RBFOX1: variants seen among roughly 807,000 people sequenced by gnomAD.
The protein encoded by RBFOX1 is RNA binding protein fox-1 homolog 1.
In RBFOX1, 8 loss-of-function variants were observed where a neutral mutation model predicts 57.7. That is an observed-to-expected ratio of 0.14 (90% CI 0.08 to 0.25). The LOEUF is 0.25. Ranked by LOEUF, RBFOX1 falls within the 10% of genes least tolerant of loss-of-function variation. The probability of loss-of-function intolerance (pLI) is 1.00; values close to 1 mark genes in which losing one functional copy is unlikely to be tolerated. For synonymous variants in RBFOX1, 326 were observed against 222.4 expected, an observed-to-expected ratio of 1.47 and a Z score of -4.15; for missense variants, 611 against 548.5, an observed-to-expected ratio of 1.11 and a Z score of -1.14.
intron 2 of RBFOX1, among the ~76,000 whole-genome samples, chr16:6,598,082 G>A (rs1224669714): frequency 6.6e-6 from 1 of 152,196 alleles, no homozygotes; most frequent in Non-Finnish European, 1.5e-5. Context: ...TCTGGTACTT[G>A]TGGCAGAAGG....
intron 2 of RBFOX1, among the ~76,000 whole-genome samples, chr16:6,625,518 T>A (rs879046261): frequency 2.6e-5 from 4 of 152,150 alleles, no homozygotes; most frequent in Admixed American, 2.6e-4. Context: ...ATTCACTCAG[T>A]TCGTTAAAAC....
At chr16:6,838,708 G>C (rs185362148) in intron 3 of RBFOX1, among the ~76,000 whole-genome samples, 42 of 152,194 alleles carry the variant, frequency 2.8e-4, no homozygotes, top group South Asian at 4.2e-4. Context: ...CCAGTCTGGG[G>C]GCTTGCCCGT....
In RBFOX1 at chr16:5,914,452, G is replaced by C. The variant is rs147929903; in HGVS notation, c.351+47117G>C. On this transcript the variant is annotated intron_variant, in intron 4 of 19. Transcript: ENST00000641259. ...AGAATCCCCTTCCAAGTTCATTCATGTAACCTTTGGCAGATCCTGGATCTG... is the reference window on the plus strand; with the variant it reads ...AGAATCCCCTTCCAAGTTCATTCATCTAACCTTTGGCAGATCCTGGATCTG... Among the ~76,000 whole-genome samples, 296 of 152,226 alleles carry C rather than the reference G, an allele frequency of 1.9e-3. 2 individuals are homozygous for C. The highest frequency in any genetic ancestry group is 6.9e-3 in the African/African-American group (288 of 41,536).
intron 2 of RBFOX1, among the ~76,000 whole-genome samples, chr16:5,495,661 A>T (rs1201872956): frequency 6.6e-6 from 1 of 152,258 alleles, no homozygotes; most frequent in Non-Finnish European, 1.5e-5. Context: ...CCTAGGTCTC[A>T]GGCAGGACCT....
At chr16:5,318,511 C>A (rs1235455063) in intron 1 of RBFOX1, among the ~76,000 whole-genome samples, 1 of 152,186 alleles carries the variant, frequency 6.6e-6, no homozygotes, top group Non-Finnish European at 1.5e-5. Context: ...TGCCTGTCCC[C>A]TCCCTGCACT....
At chr16:6,999,245 A>C (rs1368015647) in intron 3 of RBFOX1, among the ~76,000 whole-genome samples, 5 of 72,606 alleles carry the variant, frequency 6.9e-5, no homozygotes, top group African/African-American at 1.4e-4. Flanking sequence ...TTTTTTAGAG[A>C]TCAGGTCTCA....
intron 2 of RBFOX1, among the ~76,000 whole-genome samples, chr16:6,517,532 C>T (rs1045878407): frequency 2.0e-5 from 3 of 152,034 alleles, no homozygotes; most frequent in Admixed American, 6.6e-5. Context: ...CCTACACTGC[C>T]GAAGTGGGAG....
At chr16:6,859,524 C>A (rs564657763) in intron 3 of RBFOX1, among the ~76,000 whole-genome samples, 1 of 151,944 alleles carries the variant, frequency 6.6e-6, no homozygotes, top group African/African-American at 2.4e-5. Context: ...TGCAAATTTC[C>A]CAAATGTGAG....
chr16:5,427,444 G>A (rs1039128626), intron 1 of RBFOX1, among the ~76,000 whole-genome samples: 1 of 152,104 alleles, frequency 6.6e-6, no homozygotes, highest in Non-Finnish European at 1.5e-5. Context: ...AATTAGCCAG[G>A]CATAGTGGCA....
At chr16:6,312,353 T>C (rs1567911131) in intron 1 of RBFOX1, among the ~76,000 whole-genome samples, 1 of 151,636 alleles carries the variant, frequency 6.6e-6, no homozygotes. Context: ...TTCCACTCTC[T>C]TCTTCTTCTC....
At chr16:7,300,682 T>C (rs1477175756) in intron 4 of RBFOX1, among the ~76,000 whole-genome samples, 1 of 152,008 alleles carries the variant, frequency 6.6e-6, no homozygotes, top group African/African-American at 2.4e-5. Flanking sequence ...GTTATGAAAA[T>C]GAGAAAAGAA....
chr16:7,087,176 T>C (rs1386759051), intron 4 of RBFOX1, among the ~76,000 whole-genome samples: 1 of 152,206 alleles, frequency 6.6e-6, no homozygotes, highest in Non-Finnish European at 1.5e-5. Context: ...GCCGGGTTGC[T>C]GCACATGTTC....
chr16:6,747,476 T>TGTCTCTCTGTC (rs1414362121), intron 3 of RBFOX1, among the ~76,000 whole-genome samples: 1 of 137,034 alleles, frequency 7.3e-6, no homozygotes, highest in African/African-American at 2.8e-5. Context: ...GTCTGTCTGT[T>TGTCTCTCTGTC]TATCTATCTG....
intron 3 of RBFOX1, among the ~76,000 whole-genome samples, chr16:5,756,248 A>C (rs981158990): frequency 7.3e-6 from 1 of 137,496 alleles, no homozygotes; most frequent in African/African-American, 3.0e-5. Flanking sequence ...AAAAAAAAAA[A>C]CCCTGCACCA....
chr16:5,337,284 T>G (rs188210071), intron 1 of RBFOX1, among the ~76,000 whole-genome samples: 24 of 152,334 alleles, frequency 1.6e-4, no homozygotes, highest in African/African-American at 5.8e-4. Context: ...TAAGGCATTT[T>G]TGATTTTGTA....
intron 1 of RBFOX1, among the ~76,000 whole-genome samples, chr16:6,249,992 A>C (rs2097595451): frequency 1.3e-5 from 2 of 151,996 alleles, no homozygotes. Flanking sequence ...AATGGCTTGT[A>C]GGTGCGGTAG....
At chr16:5,306,565 C>G (rs1030037081) in intron 1 of RBFOX1, among the ~76,000 whole-genome samples, 4 of 152,144 alleles carry the variant, frequency 2.6e-5, no homozygotes, top group Admixed American at 6.5e-5. Context: ...GCCTTGGCCT[C>G]CCAGATTGCT....
rs74342466 is a variant in RBFOX1 at position 6,952,118 on chromosome 16, A to G, written c.-15-99939A>G. The stretch of plus-strand genomic sequence containing the variant: ...AACGATTGCTTTGTTCCTTCATTTA[A>G]TATTTCCCCACAAGTGCTTCGCAGA... On this transcript the variant is annotated intron_variant, in intron 3 of 15. Transcript: ENST00000550418. Among the ~76,000 whole-genome samples, 553 of 152,236 alleles carry G rather than the reference A, an allele frequency of 3.6e-3. 3 individuals are homozygous for G. Among genetic ancestry groups the G allele is most frequent in the African/African-American group, 0.013 (525 of 41,546 alleles).
intron 6 of RBFOX1, among the ~76,000 whole-genome samples, chr16:7,586,854 A>G (rs1453236997): frequency 6.6e-6 from 1 of 152,234 alleles, no homozygotes; most frequent in Admixed American, 6.5e-5. Flanking sequence ...TTCTCACTGG[A>G]CATTGATTAT....
Sources: gnomAD v4.1 joint callset for allele counts (sites outside exome capture counted in the v4.1 genomes callset) on GRCh38, gnomAD v4.1.1 for gene constraint, MANE v1.5 for transcripts, NCBI Gene and HGNC (gene_info 2026-07-23, HGNC 2026-07-21) for gene names.